The following SUPT3H variants were observed in gnomAD, a reference collection of about 807,000 sequenced individuals.
SUPT3H encodes the protein transcription initiation protein SPT3 homolog.
In SUPT3H, 44 loss-of-function variants were observed where a neutral mutation model predicts 44.3. That is an observed-to-expected ratio of 0.99 (90% confidence interval 0.78 to 1.28). The LOEUF (loss-of-function observed/expected upper bound fraction) is 1.28. Ranked by LOEUF, SUPT3H falls within the 50% of genes most tolerant of loss-of-function variation. The pLI is 0.00. For synonymous variants in SUPT3H, 124 were observed against 125.6 expected (o/e 0.99, Z 0.09); for missense variants, 380 against 387.1 (o/e 0.98, Z 0.15).
At chr6:45,180,923 G>C (rs1015289911) in intron 2 of SUPT3H, among the ~76,000 whole-genome samples, 25 of 150,354 alleles carry the variant, frequency 1.7e-4, no homozygotes, top group African/African-American at 5.9e-4. Context: ...CCATCAGAGT[G>C]AACAGGCAAC....
At chr6:44,868,084 C>G (rs1775785153) in intron 10 of SUPT3H, among the ~76,000 whole-genome samples, 1 of 151,904 alleles carries the variant, frequency 6.6e-6, no homozygotes, top group African/African-American at 2.4e-5. Context: ...TTTGATTTGC[C>G]AAGTTCTTTT....
chr6:45,039,578 G>C (rs1034197113), intron 3 of SUPT3H, among the ~76,000 whole-genome samples: 1 of 151,978 alleles, frequency 6.6e-6, no homozygotes, highest in Non-Finnish European at 1.5e-5. Context: ...TCAAGAGTTC[G>C]AGACCAGCCA....
At chr6:45,038,963 A>AT (rs1788102806) in intron 3 of SUPT3H, among the ~76,000 whole-genome samples, 1 of 152,162 alleles carries the variant, frequency 6.6e-6, no homozygotes, top group African/African-American at 2.4e-5. Context: ...TAATCATCAG[A>AT]TATTTCCAGG....
chr6:45,279,869 G>T (rs996291244), intron 2 of SUPT3H, among the ~76,000 whole-genome samples: 1 of 152,082 alleles, frequency 6.6e-6, no homozygotes, highest in South Asian at 2.1e-4. Flanking sequence ...TTTCAACTTG[G>T]TTATCTAACA....
At chr6:45,134,782 C>T (rs1238472506) in intron 2 of SUPT3H, among the ~76,000 whole-genome samples, 1 of 152,176 alleles carries the variant, frequency 6.6e-6, no homozygotes, top group African/African-American at 2.4e-5. Flanking sequence ...CTCGACAGCT[C>T]TGGATTCTCA....
chr6:45,091,552 C>T (rs562495276), intron 3 of SUPT3H, among the ~76,000 whole-genome samples: 1 of 152,016 alleles, frequency 6.6e-6, no homozygotes, highest in Non-Finnish European at 1.5e-5. Flanking sequence ...CTATCTACTA[C>T]TTATAAGCTG....
At chr6:44,876,836 GAAAA>G (rs200454659) in intron 10 of SUPT3H, among the ~76,000 whole-genome samples, 1 of 92,240 alleles carries the variant, frequency 1.1e-5, no homozygotes, top group African/African-American at 4.5e-5. Context: ...ATCTTCAATT[GAAAA>G]AAAAAAAAAA....
intron 2 of SUPT3H, among the ~76,000 whole-genome samples, chr6:45,304,227 A>C (rs1223030764): frequency 6.6e-6 from 1 of 152,190 alleles, no homozygotes; most frequent in Admixed American, 6.5e-5. Flanking sequence ...TTCACTTAAA[A>C]TATATTAAAA....
chr6:44,942,061 AG>A (rs530168340), intron 9 of SUPT3H, among the ~76,000 whole-genome samples: 117 of 152,344 alleles, frequency 7.7e-4, no homozygotes, highest in Non-Finnish European at 1.3e-3. Flanking sequence ...AGTTTTCAAC[AG>A]GATCGGGAAG....
chr6:45,345,412 C>T (rs36043738), intron 2 of SUPT3H, among the ~76,000 whole-genome samples: 2,013 of 152,232 alleles, frequency 0.013, 33 homozygotes, highest in Middle Eastern at 0.037. Flanking sequence ...CAGGCTTCAT[C>T]TCAATTTCCA....
At chr6:45,042,499 A>G (rs1257627545) in intron 3 of SUPT3H, among the ~76,000 whole-genome samples, 1 of 152,204 alleles carries the variant, frequency 6.6e-6, no homozygotes, top group Non-Finnish European at 1.5e-5. Flanking sequence ...GTTGCTTACT[A>G]TATGTCTGGA....
intron 2 of SUPT3H, among the ~76,000 whole-genome samples, chr6:45,246,451 C>T (rs909639497): frequency 6.6e-6 from 1 of 152,072 alleles, no homozygotes; most frequent in Non-Finnish European, 1.5e-5. Context: ...TAACCATCAT[C>T]GTAACAGGAA....
chr6:44,858,285 A>C (rs1251088687), intron 10 of SUPT3H, among the ~76,000 whole-genome samples: 1 of 152,224 alleles, frequency 6.6e-6, no homozygotes, highest in Non-Finnish European at 1.5e-5. Flanking sequence ...TAACATGCTG[A>C]TAATGATGAC....
At chr6:45,212,105 G>A (rs1213644526) in intron 2 of SUPT3H, among the ~76,000 whole-genome samples, 1 of 152,028 alleles carries the variant, frequency 6.6e-6, no homozygotes, top group African/African-American at 2.4e-5. Context: ...GGCAGAGGCT[G>A]AAGTGAGCCA....
chr6:44,944,215 G>C (rs1423654853), intron 9 of SUPT3H, among the ~76,000 whole-genome samples: 1 of 151,904 alleles, frequency 6.6e-6, no homozygotes, highest in African/African-American at 2.4e-5. Flanking sequence ...CAAGTATACT[G>C]AACATTTAAG....
chr6:45,012,532 T>C (rs1783643938), intron 5 of SUPT3H, among the ~76,000 whole-genome samples: 1 of 152,102 alleles, frequency 6.6e-6, no homozygotes, highest in South Asian at 2.1e-4. Context: ...TGATACTCTT[T>C]ACTTTGTGAG....
In SUPT3H at chr6:45,362,274, T is replaced by C. The variant is rs148396581; in HGVS notation, c.101+2927A>G. Among the ~76,000 whole-genome samples, 735 of 152,280 alleles carry C rather than the reference T, an allele frequency of 4.8e-3. 4 individuals carry two copies. The highest frequency in any genetic ancestry group is 0.017 in the African/African-American group (701 of 41,544). On this transcript the variant is annotated intron_variant, in intron 2 of 10. Coordinates refer to ENST00000371459, the MANE Select transcript of SUPT3H (RefSeq NM_003599.4). The stretch of plus-strand genomic sequence containing the variant: ...ATTCCCCAGAAATGACACTACAATA[T>C]TGTTACTTATTTAGACACCAGGGAG...
rs148276183 is a variant in SUPT3H, at chr6:45,282,201, G to A, written c.101+83000C>T. Among the ~76,000 whole-genome samples, 1,166 of 152,300 alleles carry A rather than the reference G, an allele frequency of 7.7e-3. 21 individuals carry two copies. The highest frequency in any genetic ancestry group is 0.026 in the African/African-American group (1,095 of 41,548). The stretch of plus-strand genomic sequence containing the variant: ...AGCACCTCTCCTCCTCTAAAGGAAC[G>A]CAGCTCCTCACCAGCAACAGAGCAA... On this transcript the variant is annotated intron_variant, in intron 2 of 10. Coordinates refer to ENST00000371459, the MANE Select transcript of SUPT3H (RefSeq NM_003599.4).
chr6:44,969,403 G>A (rs1777240249), intron 6 of SUPT3H, among the ~76,000 whole-genome samples: 1 of 142,748 alleles, frequency 7.0e-6, no homozygotes, highest in Non-Finnish European at 1.6e-5. Flanking sequence ...ACACATTTCA[G>A]TAATTTTTTT....
Sources: allele counts gnomAD v4.1 joint callset (sites outside exome capture counted in the v4.1 genomes callset), GRCh38; gene constraint gnomAD v4.1.1; transcripts MANE v1.5; gene names NCBI Gene and HGNC (gene_info 2026-07-23, HGNC 2026-07-21).